Variants in SSBP3 observed in about 807,000 individuals in gnomAD.
SSBP3 encodes the protein single-stranded DNA-binding protein 3.
Under a neutral mutation model 69.6 loss-of-function variants are expected in SSBP3, and 5 were observed. The ratio of observed to expected loss-of-function variants is 0.07; its 90% CI spans 0.04 to 0.15. SSBP3 has a LOEUF of 0.15. Ranked by LOEUF, SSBP3 falls within the 10% of genes least tolerant of loss-of-function variation. SSBP3 has a pLI of 1.00. For missense variants in SSBP3, 312 were observed against 534.0 expected, an observed-to-expected ratio of 0.58 and a Z score of 4.10; for synonymous variants, 196 against 193.4, an observed-to-expected ratio of 1.01 and a Z score of -0.11.
intron 4 of SSBP3, among the ~76,000 whole-genome samples, chr1:54,375,625 C>T (rs947001728): frequency 1.3e-5 from 2 of 152,356 alleles, no homozygotes; most frequent in Admixed American, 6.5e-5. Flanking sequence ...TCATGAGAGG[C>T]GCCCCCAGCC....
At chr1:54,343,187 C>T (rs1646638078) in intron 4 of SSBP3, among the ~76,000 whole-genome samples, 1 of 152,184 alleles carries the variant, frequency 6.6e-6, no homozygotes, top group Admixed American at 6.5e-5. Flanking sequence ...TTTCATATTG[C>T]TACTACCATT....
intron 5 of SSBP3, among the ~76,000 whole-genome samples, chr1:54,265,986 G>A (rs1474094028): frequency 6.6e-6 from 1 of 152,254 alleles, no homozygotes; most frequent in Non-Finnish European, 1.5e-5. Context: ...AAACTCACTT[G>A]CCTCCTGGCG....
intron 17 of SSBP3, 24 bp from the exon 18 acceptor site, chr1:54,227,184 G>GGGT (rs775645285): frequency 5.8e-6 from 7 of 1,201,994 alleles, no homozygotes; most frequent in Middle Eastern, 4.0e-4. Context: ...GCAGAGAAGG[G>GGGT]GGGGGGGTGA....
intron 4 of SSBP3, among the ~76,000 whole-genome samples, chr1:54,311,079 A>C (rs1004791697): frequency 6.6e-6 from 1 of 152,184 alleles, no homozygotes; most frequent in Admixed American, 6.5e-5. Context: ...TCGATGGCTG[A>C]CTTCTTTAGC....
intron 4 of SSBP3, among the ~76,000 whole-genome samples, chr1:54,374,977 A>T (rs769720995): frequency 6.6e-6 from 1 of 151,986 alleles, no homozygotes; most frequent in Non-Finnish European, 1.5e-5. Flanking sequence ...ACAACACCCC[A>T]CCCCGTCACT....
rs180848465 is a variant in SSBP3 at position 54,300,015 on chromosome 1, C to T, written c.277-18488G>A. ...ACTGGAATGCTCCTATCACAGTCTT[C>T]CTTCTCAGTCACCAATACCAGAACT... On this transcript the variant is annotated intron_variant, in intron 4 of 17. Coordinates refer to ENST00000610401, the Ensembl canonical transcript of SSBP3. Among the ~76,000 whole-genome samples the T allele has an allele frequency of 3.2e-3, 483 of 152,270 alleles. 4 individuals are homozygous for T. Among genetic ancestry groups the T allele is most frequent in the African/African-American group, 0.011 (447 of 41,536 alleles).
intron 4 of SSBP3, among the ~76,000 whole-genome samples, chr1:54,351,037 AG>A: frequency 6.6e-6 from 1 of 152,272 alleles, no homozygotes; most frequent in Admixed American, 6.5e-5. Context: ...TATGTTGCCC[AG>A]GCTGGTCTCG....
rs1399719704 is a variant in SSBP3, at chr1:54,234,110, G to T, written c.927+5019C>A. Among the ~76,000 whole-genome samples, 3 of 151,430 alleles carry T rather than the reference G, an allele frequency of 2.0e-5. No individual in the cohort carries two copies. The East Asian group carries it at 5.8e-4, about 29-fold the overall frequency. ...CTCAGGGTTAAATGGATTAAGGGCG[G>T]TGCAAGATGTGCTTTGTTAAACAGA... On this transcript the variant is annotated intron_variant, in intron 14 of 17. Transcript: ENST00000610401.
chr1:54,261,277 C>T (rs1645013535), intron 5 of SSBP3, among the ~76,000 whole-genome samples: 1 of 152,360 alleles, frequency 6.6e-6, no homozygotes, highest in African/African-American at 2.4e-5. Flanking sequence ...GCTCTGCTGC[C>T]CTGTGTTTTA....
intron 7 of SSBP3, among the ~76,000 whole-genome samples, 198 bp downstream of exon 7, chr1:54,256,929 G>A (rs1471586511): frequency 6.6e-6 from 1 of 152,142 alleles, no homozygotes; most frequent in East Asian, 1.9e-4. Context: ...GCCATCTGGA[G>A]AGGCAGGTGA....
chr1:54,318,466 C>G (rs1474611120), intron 4 of SSBP3, among the ~76,000 whole-genome samples: 1 of 152,072 alleles, frequency 6.6e-6, no homozygotes, highest in Non-Finnish European at 1.5e-5. Flanking sequence ...ATCCCCTTAA[C>G]TGAGAAAGCA....
At chr1:54,232,459 G>C (rs1644396581) in intron 14 of SSBP3, among the ~76,000 whole-genome samples, 1 of 152,164 alleles carries the variant, frequency 6.6e-6, no homozygotes, top group Admixed American at 6.5e-5. Flanking sequence ...CATAGGCCAA[G>C]CATGGTGGCT....
At chr1:54,292,668 C>T (rs1475210975) in intron 4 of SSBP3, among the ~76,000 whole-genome samples, 2 of 152,308 alleles carry the variant, frequency 1.3e-5, no homozygotes, top group East Asian at 3.9e-4. Context: ...CAATCCCAGC[C>T]CTCAGGGCTC....
At chr1:54,364,316 A>G (rs1439226749) in intron 4 of SSBP3, among the ~76,000 whole-genome samples, 1 of 152,228 alleles carries the variant, frequency 6.6e-6, no homozygotes, top group Non-Finnish European at 1.5e-5. Context: ...TCTAGTGTCA[A>G]GTACATTCCA....
At chr1:54,340,943 T>C (rs531660068) in intron 4 of SSBP3, among the ~76,000 whole-genome samples, 23 of 152,348 alleles carry the variant, frequency 1.5e-4, no homozygotes, top group African/African-American at 4.8e-4. Flanking sequence ...AGAACCAGGC[T>C]ATGGAATCAG....
intron 7 of SSBP3, among the ~76,000 whole-genome samples, chr1:54,255,863 AG>A (rs949635951): frequency 6.6e-6 from 1 of 152,218 alleles, no homozygotes; most frequent in African/African-American, 2.4e-5. Context: ...TCATGAAGTC[AG>A]GAGTTTGAGA....
intron 11 of SSBP3, 133 bp downstream of exon 11, chr1:54,242,031 T>C: frequency 9.4e-7 from 1 of 1,068,910 alleles, no homozygotes. Flanking sequence ...CACACGGCCT[T>C]CTCCCTAGAA....
At chr1:54,281,195 A>G (rs1645385199) in intron 5 of SSBP3, among the ~76,000 whole-genome samples, 1 of 152,174 alleles carries the variant, frequency 6.6e-6, no homozygotes, top group Non-Finnish European at 1.5e-5. Flanking sequence ...GGCATGAAGA[A>G]AGCAAACTCC....
chr1:54,413,337 C>T (rs532467169), intron 1 of SSBP3: 23 of 152,328 alleles, frequency 1.5e-4, no homozygotes, highest in African/African-American at 5.5e-4. Context: ...ATAATAAAAG[C>T]CATTTATTTC....
Sources: allele counts gnomAD v4.1 joint callset (sites outside exome capture counted in the v4.1 genomes callset), GRCh38; gene constraint gnomAD v4.1.1; transcripts MANE v1.5; gene names NCBI Gene and HGNC (gene_info 2026-07-23, HGNC 2026-07-21).